The following SPTBN2 variants were observed in gnomAD, a reference collection of about 807,000 sequenced individuals.
The protein encoded by SPTBN2 is spectrin beta chain, non-erythrocytic 2.
In SPTBN2, 107 loss-of-function variants were observed where a neutral mutation model predicts 284.2. That is an observed-to-expected ratio of 0.38 (90% CI 0.32 to 0.44). The LOEUF is 0.44. Among genes scored for constraint, SPTBN2 ranks in the 20% least tolerant of loss-of-function variants. SPTBN2 has a pLI of 1.00. For synonymous variants in SPTBN2, 1,289 were observed against 1,354.8 expected (o/e 0.95, Z 1.07); for missense variants, 2,569 against 3,287.1 (o/e 0.78, Z 5.34).
chr11:66,715,683 G>A lies in SPTBN2; in HGVS notation c.309+147C>T. On this transcript the variant is annotated intron_variant, in intron 4 of 37. Transcript: ENST00000533211. The surrounding 1 kb of genome is among the most constrained non-coding windows in gnomAD (Gnocchi z 5.3). Reference sequence around the variant, plus strand: ...GCTCCTATGTAATCTAAGTGGCAAAGGCACTTGAAATGAACCCATCCTCTG... The same window carrying A: ...GCTCCTATGTAATCTAAGTGGCAAAAGCACTTGAAATGAACCCATCCTCTG... 2 of 1,168,274 alleles carry A rather than the reference G, an allele frequency of 1.7e-6. No homozygotes were observed. Among genetic ancestry groups the A allele is most frequent in the Non-Finnish European group, 2.5e-6 (2 of 810,930 alleles). The allele number at this position is 1,168,274 out of a possible 1,614,324, so 72.4% of individuals were successfully genotyped here.
At position 66,721,967 on chromosome 11, in the gene SPTBN2, A is replaced by T. The variant is rs569435878; in HGVS notation, c.-113-527T>A. On this transcript the variant is annotated intron_variant, in intron 1 of 37. Transcript: ENST00000533211. ...GAGGCTGAAGCAGGATTATTGCTTG[A>T]ACCTGGGCGCACCTTAGAGCGAGAC... Among the ~76,000 whole-genome samples the T allele has an allele frequency of 1.1e-4, 16 of 152,030 alleles. No homozygotes were observed. The South Asian group carries it at 3.3e-3, about 32-fold the overall frequency.
chr11:66,694,493 C>A (rs985218303), intron 21 of SPTBN2, 130 bp from the exon 22 acceptor site: 1 of 909,064 alleles, frequency 1.1e-6, no homozygotes, highest in Non-Finnish European at 1.6e-6. Flanking sequence ...GGAGAGCATC[C>A]CCTCATGGGC....
In SPTBN2 at chr11:66,683,961, A is replaced by C. The variant is rs760107299; in HGVS notation, c.*1910T>G. Among the ~76,000 whole-genome samples, 1 of 152,202 alleles carries C rather than the reference A, an allele frequency of 6.6e-6. No homozygotes were observed. Among genetic ancestry groups the C allele is most frequent in the Non-Finnish European group, 1.5e-5 (1 of 68,038 alleles). ...ATGACAGATTGTTCTAGTTACGCGT[A>C]TCCACCTGTTGGCTGTGGAACAGTA... On this transcript the variant is annotated 3_prime_UTR_variant, in exon 38 of 38. Transcript: ENST00000533211.
intron 1 of SPTBN2, among the ~76,000 whole-genome samples, chr11:66,736,402 C>G (rs1942851431): frequency 6.6e-6 from 1 of 152,178 alleles, no homozygotes; most frequent in Non-Finnish European, 1.5e-5. Flanking sequence ...CGATTTTTAA[C>G]TTGCAAACCT....
Position 66,726,170 on chromosome 11 carries a change from T to C in SPTBN2, c.-114+2571A>G, listed in dbSNP as rs554267301. Among the ~76,000 whole-genome samples the C allele has an allele frequency of 1.7e-4, 26 of 152,200 alleles. 1 individual carries two copies. The South Asian group carries it at 5.4e-3, about 32-fold the overall frequency. The stretch of plus-strand genomic sequence containing the variant: ...GACTATAATTCATTTTTTTTGGCCA[T>C]GGAATTAATGTCTTTCTTAGGACTA... On this transcript the variant is annotated intron_variant, in intron 1 of 37. Coordinates refer to ENST00000533211, the MANE Select transcript of SPTBN2 (RefSeq NM_006946.4).
rs752249707 is a variant in SPTBN2, at chr11:66,705,338, G to C, written c.1938C>G (p.Phe646Leu). The change falls in exon 15 of 38, where the codon TTC (phenylalanine) becomes TTG (leucine). Residue 646 changes from phenylalanine (F) to leucine (L), a missense_variant. By Grantham distance (22) the Phe-to-Leu change is conservative. This residue lies in a region of SPTBN2 where 1,012 missense variants were observed against 1,248.9 expected (regional missense o/e 0.81). Coordinates refer to ENST00000533211, the MANE Select transcript of SPTBN2 (RefSeq NM_006946.4). The part of the protein sequence containing the change: ...RLEESRRLWR[F>L]LWEVGEAEAW... ...CCTCAGCTTCACCCACCTCCCAGAG[G>C]AAACGCCAGAGCCGCCGTGATTCCT... The C allele has an allele frequency of 6.2e-7, 1 of 1,610,670 alleles. No homozygotes were observed. Among genetic ancestry groups the C allele is most frequent in the Non-Finnish European group, 8.5e-7 (1 of 1,179,718 alleles).
At chr11:66,722,226 T>C (rs1200921040) in intron 1 of SPTBN2, among the ~76,000 whole-genome samples, 1 of 152,156 alleles carries the variant, frequency 6.6e-6, no homozygotes, top group African/African-American at 2.4e-5. Context: ...CATAACTCCC[T>C]GTGGGGTGAG....
rs923248313 is a variant in SPTBN2, at chr11:66,707,309, C to T, written c.1653+207G>A. ...CTGCTCTTTTGTTTACGGAAAGGTC[C>T]GTGGGTTTTGTCATCAGCCTCCTCC... is the stretch of plus-strand genomic sequence containing the variant. On this transcript the variant is annotated intron_variant, in intron 13 of 37. Transcript: ENST00000533211. The surrounding 1 kb of genome is among the most constrained non-coding windows in gnomAD (Gnocchi z 4.9). Among the ~76,000 whole-genome samples, 18 of 152,216 alleles carry T rather than the reference C, an allele frequency of 1.2e-4. No individual in the cohort carries two copies. The highest frequency in any genetic ancestry group is 4.6e-4 in the Admixed American group (7 of 15,284).
Position 66,691,556 on chromosome 11 carries a change from C to T in SPTBN2, c.5293G>A (p.Gly1765Ser), listed in dbSNP as rs1266357779. 1.2e-6 allele frequency: 2 copies of T among 1,613,504 alleles called. No individual in the cohort carries two copies. Among genetic ancestry groups the T allele is most frequent in the East Asian group, 2.2e-5 (1 of 44,890 alleles). ...NALANGLIAG[G>S]HAARATVAEW... is the part of the protein sequence containing the mutation. ...GCCACGGTGGCCCGTGCAGCATGGC[C>T]CCCAGCAATGAGCCCATTGGCCAGC... Residue 1765 changes from glycine (G) to serine (S), a missense_variant, in exon 27 of 38, where the codon GGC becomes AGC. Physicochemically the swap from Gly to Ser is moderately conservative, Grantham distance 56. Transcript: ENST00000533211. The surrounding 1 kb of genome is among the most constrained non-coding windows in gnomAD (Gnocchi z 8.0).
At position 66,710,772 on chromosome 11, in the gene SPTBN2, G is replaced by A; in HGVS notation, c.886-3C>T. ...GCCTCCATGGCATGGTCCAGCACCT[G>A]GGAGGCAGAAGACAGGGACGTGACA... On this transcript the variant is annotated splice_polypyrimidine_tract_variant and splice_region_variant and intron_variant, in intron 9 of 37. Coordinates refer to ENST00000533211, the MANE Select transcript of SPTBN2 (RefSeq NM_006946.4). The surrounding 1 kb of genome is among the most constrained non-coding windows in gnomAD (Gnocchi z 4.9). 1 of 1,613,864 alleles carries A rather than the reference G, an allele frequency of 6.2e-7. No homozygotes were observed. Among genetic ancestry groups the A allele is most frequent in the Non-Finnish European group, 8.5e-7 (1 of 1,180,030 alleles).
rs563561811 is a variant in SPTBN2 at position 66,683,658 on chromosome 11, C to T, written c.*2213G>A. ...CAGTCTCACCTCTCCGTTGACAATGCCTGCCCCTACTGCAGGACTGCTTCA... is the reference window on the plus strand; with the variant it reads ...CAGTCTCACCTCTCCGTTGACAATGTCTGCCCCTACTGCAGGACTGCTTCA... On this transcript the variant is annotated 3_prime_UTR_variant, in exon 38 of 38. Coordinates refer to ENST00000533211, the MANE Select transcript of SPTBN2 (RefSeq NM_006946.4). 4.6e-5 allele frequency among the ~76,000 whole-genome samples: 7 copies of T among 152,368 alleles called. No homozygotes were observed. Among genetic ancestry groups the T allele is most frequent in the African/African-American group, 9.6e-5 (4 of 41,580 alleles).
chr11:66,736,116 C>T (rs892990543), intron 1 of SPTBN2, among the ~76,000 whole-genome samples: 1 of 152,130 alleles, frequency 6.6e-6, no homozygotes, highest in Admixed American at 6.5e-5. Context: ...TAAAGTGCCA[C>T]ATCAGATAGG....
Position 66,708,833 on chromosome 11 carries a change from G to A in SPTBN2, c.1191+69C>T, listed in dbSNP as rs986397234. On this transcript the variant is annotated intron_variant, in intron 11 of 37. Transcript: ENST00000533211. The surrounding 1 kb of genome is among the most constrained non-coding windows in gnomAD (Gnocchi z 4.4). Reference sequence around the variant, plus strand: ...TGAAGGTCGACATGGCCCCGGGTTTGGGGATGTGTGCAAGGCATCTGGGCC... The same window carrying A: ...TGAAGGTCGACATGGCCCCGGGTTTAGGGATGTGTGCAAGGCATCTGGGCC... The A allele has an allele frequency of 3.9e-6, 5 of 1,296,636 alleles. No individual in the cohort carries two copies. The highest frequency in any genetic ancestry group is 4.5e-6 in the Non-Finnish European group (4 of 897,116). 80.3% of individuals were successfully genotyped at this position (1,296,636 alleles called of 1,614,324 possible).
Position 66,688,289 on chromosome 11 carries a change from C to A in SPTBN2, c.6254G>T (p.Arg2085Leu). 1.2e-6 allele frequency: 2 copies of A among 1,605,342 alleles called. No homozygotes were observed. Among genetic ancestry groups the A allele is most frequent in the Non-Finnish European group, 1.7e-6 (2 of 1,175,978 alleles). ...LTALEEREKE[R>L]KRKREEEERR... Reference sequence around the variant, plus strand: ...CTCCTCCTCCTCCCTCTTTCTCTTTCGCTCCTTCTCCCGCTCCTCTAGCTG... The same window carrying A: ...CTCCTCCTCCTCCCTCTTTCTCTTTAGCTCCTTCTCCCGCTCCTCTAGCTG... Residue 2085 changes from arginine to leucine, a missense_variant, in exon 32 of 38, where the codon CGA becomes CTA. Physicochemically the swap from Arg to Leu is moderately radical, Grantham distance 102. This residue lies in a region of SPTBN2 where 1,130 missense variants were observed against 1,317.3 expected (regional missense o/e 0.86). Transcript: ENST00000533211.
In SPTBN2 at chr11:66,707,737, T is replaced by C; in HGVS notation, c.1432A>G (p.Ser478Gly). Residue 478 changes from serine (S) to glycine (G), a missense_variant, in exon 13 of 38, where the codon AGC becomes GGC. Coordinates refer to ENST00000533211, the MANE Select transcript of SPTBN2 (RefSeq NM_006946.4). This position sits in a 1 kb window ranked among gnomAD's most constrained non-coding sequence, Gnocchi z 4.9. ...GCGTCCACTGCCTGCACCCGGCCGC[T>C]GTAGGCCACGATGTCCGTCTCAATG... ...EAIETDIVAY[S>G]GRVQAVDAVA... 6.2e-7 allele frequency: 1 copy of C among 1,606,462 alleles called. No individual in the cohort carries two copies. Among genetic ancestry groups the C allele is most frequent in the East Asian group, 2.2e-5 (1 of 44,790 alleles).
chr11:66,699,363 T>C (rs762461107), intron 18 of SPTBN2, 43 bp downstream of exon 18: 11 of 1,606,746 alleles, frequency 6.8e-6, no homozygotes, highest in Non-Finnish European at 9.4e-6. Flanking sequence ...GTTTCTCCGA[T>C]TCCCCCCTGG....
At chr11:66,734,388 G>A (rs1201492014) in intron 1 of SPTBN2, among the ~76,000 whole-genome samples, 2 of 152,108 alleles carry the variant, frequency 1.3e-5, no homozygotes, top group Non-Finnish European at 2.9e-5. Context: ...TCTTAACCAA[G>A]TTTGCACACC....
At chr11:66,686,823 G>A in intron 36 of SPTBN2, 171 bp downstream of exon 36, 1 of 850,804 alleles carries the variant, frequency 1.2e-6, no homozygotes, top group South Asian at 1.5e-5. Context: ...CCTTGGTGTG[G>A]AGACAACCAG....
chr11:66,701,940 A>G (rs1941269805), intron 15 of SPTBN2, among the ~76,000 whole-genome samples: 1 of 152,146 alleles, frequency 6.6e-6, no homozygotes, highest in South Asian at 2.1e-4. Context: ...TGTCATCGCT[A>G]GAAATGCTCA....
Sources: gnomAD v4.1 joint callset for allele counts (sites outside exome capture counted in the v4.1 genomes callset) on GRCh38, gnomAD v4.1.1 for gene constraint, gnomAD v4.1.1 regional missense constraint, Gnocchi (gnomAD v3.1) non-coding constraint, MANE v1.5 for transcripts, NCBI Gene and HGNC (gene_info 2026-07-23, HGNC 2026-07-21) for gene names.